VPS8: variants seen among roughly 807,000 people sequenced by gnomAD.
VPS8 encodes the protein vacuolar protein sorting-associated protein 8 homolog.
VPS8 carries 129 observed loss-of-function variants against 216.4 expected under a neutral mutation model. The observed-to-expected ratio is 0.60, with a 90% CI of 0.52 to 0.69. VPS8 has a LOEUF of 0.69. Ranked by LOEUF, VPS8 falls within the 30% of genes least tolerant of loss-of-function variation. VPS8 has a pLI of 0.00. For missense variants in VPS8, 1,531 were observed against 1,683.5 expected, an observed-to-expected ratio of 0.91 and a Z score of 1.59; for synonymous variants, 571 against 565.4, an observed-to-expected ratio of 1.01 and a Z score of -0.14.
Position 184,911,830 on chromosome 3 carries a change from G to A in VPS8, c.2147-1689G>A, listed in dbSNP as rs189581348. ...AGGAGTTAACCTGTGTAAGCAGATTGTCAACATATCAAAGGAGTCCAGTTA... is the reference window on the plus strand; with the variant it reads ...AGGAGTTAACCTGTGTAAGCAGATTATCAACATATCAAAGGAGTCCAGTTA... On this transcript the variant is annotated intron_variant, in intron 25 of 47. Coordinates refer to ENST00000625842, the MANE Select transcript of VPS8 (RefSeq NM_001009921.3). 1.1e-4 allele frequency among the ~76,000 whole-genome samples: 16 copies of A among 152,174 alleles called. No homozygotes were observed. In the East Asian group the frequency reaches 3.1e-3, roughly 29 times the overall value.
chr3:184,894,391 C>G (rs892774203), intron 22 of VPS8, among the ~76,000 whole-genome samples: 10 of 151,906 alleles, frequency 6.6e-5, no homozygotes, highest in Admixed American at 4.6e-4. Context: ...CAAAATCTGA[C>G]TCTTTTGTTT....
chr3:185,000,608 G>C (rs539694203), intron 45 of VPS8, among the ~76,000 whole-genome samples: 2 of 90,396 alleles, frequency 2.2e-5, no homozygotes, highest in African/African-American at 9.0e-5. Context: ...TTCTCTTTTC[G>C]TTTCTTTTTT....
At chr3:184,929,156 CTTTA>C (rs1340008580) in intron 32 of VPS8, among the ~76,000 whole-genome samples, 3 of 152,072 alleles carry the variant, frequency 2.0e-5, no homozygotes, top group Non-Finnish European at 2.9e-5. Context: ...TTCACTGTAA[CTTTA>C]TTTAACAATA....
At chr3:184,815,924 C>G (rs1047988568) in intron 1 of VPS8, 8 of 152,020 alleles carry the variant, frequency 5.3e-5, no homozygotes, top group African/African-American at 1.9e-4. Flanking sequence ...ATAAAGAAGG[C>G]CATCATCTAC....
intron 45 of VPS8, among the ~76,000 whole-genome samples, chr3:185,015,442 T>A (rs976308300): frequency 1.3e-5 from 2 of 152,222 alleles, no homozygotes; most frequent in Admixed American, 1.3e-4. Context: ...GAAATCACAT[T>A]AACAGGCATA....
Position 184,849,930 on chromosome 3 carries a change from T to A in VPS8, c.667-6T>A. 1 of 1,610,374 alleles carries A rather than the reference T, an allele frequency of 6.2e-7. No homozygotes were observed. Among genetic ancestry groups the A allele is most frequent in the Non-Finnish European group, 8.5e-7 (1 of 1,178,618 alleles). On this transcript the variant is annotated splice_polypyrimidine_tract_variant and splice_region_variant and intron_variant, in intron 9 of 47. Transcript: ENST00000625842. ...TTTGTTTTTGAAGCACTTAGTTGTCTTATAGATCACCATGTGGGATTTGGC... is the reference window on the plus strand; with the variant it reads ...TTTGTTTTTGAAGCACTTAGTTGTCATATAGATCACCATGTGGGATTTGGC...
chr3:184,900,720 C>T (rs1419079195), intron 24 of VPS8, among the ~76,000 whole-genome samples: 2 of 151,882 alleles, frequency 1.3e-5, no homozygotes, highest in Non-Finnish European at 2.9e-5. Context: ...TGATTTTTTT[C>T]GGTGAGGAAT....
intron 22 of VPS8, among the ~76,000 whole-genome samples, chr3:184,894,243 A>G (rs1732910525): frequency 6.6e-6 from 1 of 152,176 alleles, no homozygotes; most frequent in Non-Finnish European, 1.5e-5. Flanking sequence ...GGAGGGAAGG[A>G]TAAATCATGA....
intron 34 of VPS8, among the ~76,000 whole-genome samples, chr3:184,932,773 T>G (rs7639691): frequency 0.034 from 5,190 of 152,356 alleles, 307 homozygotes; most frequent in African/African-American, 0.12. Flanking sequence ...TGAGAAGATT[T>G]TACCTTTTGT....
chr3:184,926,464 A>G, intron 30 of VPS8, 130 bp from the exon 31 acceptor site: 3 of 827,102 alleles, frequency 3.6e-6, no homozygotes, highest in Non-Finnish European at 5.7e-6. Flanking sequence ...AAGGTAGCCT[A>G]CACCTGTGGT....
intron 46 of VPS8, among the ~76,000 whole-genome samples, chr3:185,047,479 C>T (rs766314345): frequency 1.3e-5 from 2 of 152,190 alleles, no homozygotes; most frequent in Non-Finnish European, 1.5e-5. Context: ...GCAGTGCAGG[C>T]TCTTACCCAC....
intron 42 of VPS8, 36 bp from the exon 43 acceptor site, chr3:184,993,947 C>T (rs1216027708): frequency 2.1e-6 from 3 of 1,451,970 alleles, no homozygotes; most frequent in Non-Finnish European, 2.8e-6. Flanking sequence ...TTTTAAAATA[C>T]AGAATTGTAA....
chr3:185,041,680 G>T (rs992311748), intron 46 of VPS8, among the ~76,000 whole-genome samples: 2 of 152,202 alleles, frequency 1.3e-5, no homozygotes, highest in Non-Finnish European at 2.9e-5. Context: ...AACTCAGTAG[G>T]CCGTTCTTAA....
chr3:185,007,390 A>G (rs186180028), intron 45 of VPS8, among the ~76,000 whole-genome samples: 2 of 152,374 alleles, frequency 1.3e-5, no homozygotes, highest in East Asian at 1.9e-4. Context: ...GATTATTCCT[A>G]TATTAAATTC....
Position 184,838,857 on chromosome 3 carries a change from C to A in VPS8, c.480+111C>A, listed in dbSNP as rs1029978819. On this transcript the variant is annotated intron_variant, in intron 6 of 47. Coordinates refer to ENST00000625842, the MANE Select transcript of VPS8 (RefSeq NM_001009921.3). ...ATAAGTTGTTATGGTAATAAATTCA[C>A]AAGTCATTTTACTGCCAGTAATCAG... The A allele has an allele frequency of 1.3e-5, 11 of 863,296 alleles. No homozygotes were observed. In the African/African-American group the frequency reaches 2.0e-4, roughly 15 times the overall value. The allele number at this position is 863,296 out of a possible 1,614,324, so 53.5% of individuals were successfully genotyped here.
intron 36 of VPS8, among the ~76,000 whole-genome samples, chr3:184,945,236 G>A (rs73885625): frequency 0.038 from 5,808 of 150,944 alleles, 338 homozygotes; most frequent in African/African-American, 0.13. Flanking sequence ...TACCTATAAT[G>A]AAATTTTTAT....
chr3:184,865,501 A>G (rs548077967), intron 16 of VPS8, among the ~76,000 whole-genome samples: 19 of 152,332 alleles, frequency 1.2e-4, no homozygotes, highest in Non-Finnish European at 2.9e-5. Flanking sequence ...GCTGCTCAAC[A>G]TCATTAGGTA....
At chr3:184,882,349 G>T (rs1426575283) in intron 21 of VPS8, 1 of 450,078 alleles carries the variant, frequency 2.2e-6, no homozygotes, top group Admixed American at 2.4e-5. Context: ...TTTTCTTTAG[G>T]CTATTGGCAT....
chr3:184,901,093 AAC>A (rs1368273643), intron 25 of VPS8, 121 bp downstream of exon 25: 2 of 836,392 alleles, frequency 2.4e-6, no homozygotes, highest in African/African-American at 1.7e-5. Context: ...ACAGTCATGT[AAC>A]ACCACCATAA....
Sources: allele counts gnomAD v4.1 joint callset (sites outside exome capture counted in the v4.1 genomes callset), GRCh38; gene constraint gnomAD v4.1.1; transcripts MANE v1.5; gene names NCBI Gene and HGNC (gene_info 2026-07-23, HGNC 2026-07-21).